Variants in ERBIN observed in about 807,000 individuals in gnomAD.
ERBIN encodes densin-180-like protein.
In ERBIN, 60 loss-of-function variants were observed where a neutral mutation model predicts 158.4. The observed-to-expected ratio is 0.38, with a 90% CI of 0.31 to 0.47. The LOEUF (loss-of-function observed/expected upper bound fraction) is 0.47. Among genes scored for constraint, ERBIN ranks in the 20% least tolerant of loss-of-function variants. The pLI, the probability that ERBIN is intolerant of heterozygous loss-of-function variation, is 0.99. For missense variants in ERBIN, 1,610 were observed against 1,648.0 expected (o/e 0.98, Z 0.40); for synonymous variants, 594 against 557.2 (o/e 1.07, Z -0.93).
intron 25 of ERBIN, 111 bp downstream of exon 25, chr5:66,077,060 AGAATGGCGT>A (rs1762044748): frequency 1.3e-6 from 1 of 759,954 alleles, no homozygotes; most frequent in African/African-American, 1.8e-5. Flanking sequence ...CTGAGGCAGG[AGAATGGCGT>A]GAACCCGGGA....
intron 16 of ERBIN, 110 bp downstream of exon 16, chr5:66,043,308 T>C (rs1758100501): frequency 8.8e-7 from 1 of 1,134,666 alleles, no homozygotes; most frequent in Non-Finnish European, 1.2e-6. Flanking sequence ...AATTTATTCC[T>C]TGTCCTCAAG....
chr5:65,957,198 TTTTTTTTAAATTTTTATTTTA>T (rs1561293694), intron 1 of ERBIN, among the ~76,000 whole-genome samples: 1 of 151,772 alleles, frequency 6.6e-6, no homozygotes, highest in Non-Finnish European at 1.5e-5. Context: ...ATGTAGGATT[TTTTTTTTAAATTTTTATTTTA>T]TTTTATTTTA....
At chr5:65,993,029 G>GT (rs1421154266) in intron 3 of ERBIN, 122 bp downstream of exon 3, 2 of 669,070 alleles carry the variant, frequency 3.0e-6, no homozygotes, top group Non-Finnish European at 4.7e-6. Context: ...TGGTTTAATT[G>GT]TATCGTAGAG....
intron 1 of ERBIN, among the ~76,000 whole-genome samples, chr5:65,938,559 G>GT (rs1380945526): frequency 2.6e-5 from 4 of 151,238 alleles, no homozygotes; most frequent in East Asian, 1.9e-4. Flanking sequence ...ATTCTGTTTT[G>GT]TTTTTTTTCT....
intron 13 of ERBIN, 83 bp downstream of exon 13, chr5:66,026,500 AGCTAGTGC>A (rs1561393510): frequency 3.2e-6 from 2 of 616,370 alleles, no homozygotes. Context: ...ATAATAGAAT[AGCTAGTGC>A]TTGTTGCTCT....
At chr5:65,984,938 A>AT (rs1751056227) in intron 1 of ERBIN, 1 of 152,102 alleles carries the variant, frequency 6.6e-6, no homozygotes, top group Non-Finnish European at 1.5e-5. Flanking sequence ...TTACTTTTCA[A>AT]TTTTTATAGT....
rs1415840120 is a variant in ERBIN, at chr5:66,054,194, G to C, written c.2876G>C (p.Arg959Thr). Reference protein sequence around the residue: ...NHNPEEPNIIRGPTSGPQSAP... With the variant: ...NHNPEEPNIITGPTSGPQSAP... The stretch of plus-strand genomic sequence containing the variant: ...AATCCCGAAGAGCCAAATATAATAA[G>C]AGGCCCCACAAGTGGCCCACAATCT... Residue 959 changes from arginine to threonine, a missense_variant, in exon 21 of 26, where the codon AGA becomes ACA. This residue lies in a region of ERBIN where 1,014 missense variants were observed against 936.1 expected (regional missense o/e 1.08). Transcript: ENST00000284037. The C allele has an allele frequency of 3.1e-6, 5 of 1,613,900 alleles. No individual in the cohort carries two copies. Among genetic ancestry groups the C allele is most frequent in the Non-Finnish European group, 4.2e-6 (5 of 1,180,026 alleles).
intron 21 of ERBIN, 60 bp downstream of exon 21, chr5:66,055,011 T>G (rs1759450226): frequency 1.4e-6 from 2 of 1,466,488 alleles, no homozygotes; most frequent in Non-Finnish European, 1.8e-6. Context: ...TCCTTAAAAA[T>G]GATGAAACAA....
At chr5:65,991,632 C>T (rs1751879994) in intron 2 of ERBIN, among the ~76,000 whole-genome samples, 1 of 152,026 alleles carries the variant, frequency 6.6e-6, no homozygotes, top group Admixed American at 6.6e-5. Flanking sequence ...AAGTTAATTG[C>T]TTTATTACTT....
intron 21 of ERBIN, among the ~76,000 whole-genome samples, chr5:66,067,314 A>G (rs1270360569): frequency 2.6e-5 from 4 of 152,210 alleles, no homozygotes; most frequent in African/African-American, 4.8e-5. Context: ...TTAGACGTCA[A>G]CTTCAGATTT....
intron 1 of ERBIN, among the ~76,000 whole-genome samples, chr5:65,943,639 C>T (rs778447804): frequency 3.3e-5 from 5 of 152,114 alleles, no homozygotes; most frequent in South Asian, 2.1e-4. Context: ...AACTTCCACC[C>T]AATGTTTAAA....
rs761348435 is a variant in ERBIN at position 66,028,391 on chromosome 5, A to G, written c.1206+48A>G. 14 of 1,488,910 alleles carry G rather than the reference A, an allele frequency of 9.4e-6. No individual in the cohort carries two copies. The South Asian group carries it at 1.0e-4, about 11-fold the overall frequency. 92.2% of individuals were successfully genotyped at this position (1,488,910 alleles called of 1,614,324 possible). A position where few individuals can be genotyped will look rare whatever the true frequency, so the allele number is the denominator to read the frequency against. On this transcript the variant is annotated intron_variant, in intron 14 of 25. Transcript: ENST00000284037. ...TTAATGGAGTTCTTATTTGTGTTAT[A>G]TAGTTTTGCACTCCGATTTACATAG...
chr5:65,941,892 C>T (rs991648081), intron 1 of ERBIN, among the ~76,000 whole-genome samples: 6 of 152,068 alleles, frequency 3.9e-5, no homozygotes, highest in Non-Finnish European at 5.9e-5. Flanking sequence ...AGGTACCCGC[C>T]GCCACGCCTG....
chr5:66,054,819 T>C lies in ERBIN; in HGVS notation c.3501T>C (p.Thr1167=). Reference sequence around the variant, plus strand: ...TTAGTGATTTCAATTATTCACGGACTAGTCCTTCAAAAAGACCAAATGCAA... The same window carrying C: ...TTAGTGATTTCAATTATTCACGGACCAGTCCTTCAAAAAGACCAAATGCAA... The part of the protein sequence containing the change: ...MSVSDFNYSR[T]SPSKRPNARV... The change falls in exon 21 of 26, where the codon ACT becomes ACC. Residue 1167 remains threonine, a synonymous_variant. Coordinates refer to ENST00000284037, the MANE Select transcript of ERBIN (RefSeq NM_001253697.2). The C allele has an allele frequency of 6.2e-7, 1 of 1,614,148 alleles. No individual in the cohort carries two copies. The highest frequency in any genetic ancestry group is 8.5e-7 in the Non-Finnish European group (1 of 1,180,004).
chr5:66,079,725 T>G lies in ERBIN; in HGVS notation c.*1195T>G, dbSNP rs1762294791. On this transcript the variant is annotated 3_prime_UTR_variant, in exon 26 of 26. Transcript: ENST00000284037. ...GTGTAAAGGTGTTCAAATAAAGGGC[T>G]GTTTCTACAGGTAACATTAAATGTG... 3.3e-5 allele frequency: 5 copies of G among 152,622 alleles called. No individual in the cohort carries two copies. The highest frequency in any genetic ancestry group is 2.6e-4 in the Admixed American group (4 of 15,278). The allele number at this position is 152,622 out of a possible 1,614,324, so 9.5% of individuals were successfully genotyped here. A position where few individuals can be genotyped will look rare whatever the true frequency, so the allele number is the denominator to read the frequency against.
At chr5:65,967,487 G>C (rs1748786220) in intron 1 of ERBIN, among the ~76,000 whole-genome samples, 1 of 151,966 alleles carries the variant, frequency 6.6e-6, no homozygotes, top group South Asian at 2.1e-4. Context: ...TGTCACAGAT[G>C]CCTGCTGTAT....
At chr5:65,928,994 A>AG (rs1743024462) in intron 1 of ERBIN, among the ~76,000 whole-genome samples, 1 of 152,204 alleles carries the variant, frequency 6.6e-6, no homozygotes, top group African/African-American at 2.4e-5. Context: ...ATACACACTT[A>AG]AAGGCTCTGT....
intron 1 of ERBIN, among the ~76,000 whole-genome samples, chr5:65,931,150 TAAA>T (rs1305249838): frequency 6.6e-6 from 1 of 152,170 alleles, no homozygotes; most frequent in Non-Finnish European, 1.5e-5. Context: ...AACTAGAAAA[TAAA>T]AAATGACATC....
At chr5:66,062,113 C>T (rs1760453163) in intron 21 of ERBIN, among the ~76,000 whole-genome samples, 1 of 150,184 alleles carries the variant, frequency 6.7e-6, no homozygotes, top group Non-Finnish European at 1.5e-5. Context: ...TTGGTTAGTT[C>T]TCCTGGATAA....
Sources: gnomAD v4.1 joint callset for allele counts (sites outside exome capture counted in the v4.1 genomes callset) on GRCh38, gnomAD v4.1.1 for gene constraint, gnomAD v4.1.1 regional missense constraint, MANE v1.5 for transcripts, NCBI Gene and HGNC (gene_info 2026-07-23, HGNC 2026-07-21) for gene names.